Variants in AKAP19 observed in about 807,000 individuals in gnomAD.
AKAP19 encodes the protein A-kinase anchoring protein 19.
chr2:189,888,888 C>T, the AKAP19 span, among the ~76,000 whole-genome samples: 1 of 152,182 alleles, frequency 6.6e-6, no homozygotes, highest in Non-Finnish European at 1.5e-5. Context: ...CATCTGCAAA[C>T]AGGGACAATT....
chr2:190,037,077 C>G, the AKAP19 span, among the ~76,000 whole-genome samples: 2 of 152,190 alleles, frequency 1.3e-5, no homozygotes, highest in Non-Finnish European at 2.9e-5. Context: ...ATGCCATTCA[C>G]GATTCCTAGA....
the AKAP19 span, among the ~76,000 whole-genome samples, chr2:189,944,934 A>G: frequency 0.042 from 6,453 of 152,308 alleles, 466 homozygotes; most frequent in African/African-American, 0.14. Flanking sequence ...AATCAGTAAA[A>G]AAATGAATGT....
At chr2:190,113,048 GT>G in the AKAP19 span, among the ~76,000 whole-genome samples, 1 of 151,798 alleles carries the variant, frequency 6.6e-6, no homozygotes, top group South Asian at 2.1e-4. Context: ...TCTAAAACTC[GT>G]TTCTGTTTCA....
chr2:190,072,713 TCTC>T, the AKAP19 span, among the ~76,000 whole-genome samples: 1 of 152,124 alleles, frequency 6.6e-6, no homozygotes, highest in Non-Finnish European at 1.5e-5. Flanking sequence ...AAAATCAACA[TCTC>T]TTCTTCTACT....
chr2:189,949,631 C>CTTTTTTTTTTTT, the AKAP19 span, among the ~76,000 whole-genome samples: 1 of 117,768 alleles, frequency 8.5e-6, no homozygotes, highest in Non-Finnish European at 1.8e-5. Context: ...CTTTTTCTTT[C>CTTTTTTTTTTTT]TTTTTTTTTT....
chr2:189,957,875 C>A, the AKAP19 span, among the ~76,000 whole-genome samples: 1 of 152,154 alleles, frequency 6.6e-6, no homozygotes, highest in East Asian at 1.9e-4. Flanking sequence ...CTTACTGCAA[C>A]CTCCGCCTCC....
At chr2:189,934,991 A>G in the AKAP19 span, among the ~76,000 whole-genome samples, 1 of 152,080 alleles carries the variant, frequency 6.6e-6, no homozygotes, top group Non-Finnish European at 1.5e-5. Context: ...AGCATAATGC[A>G]TGTAGCGTTT....
the AKAP19 span, among the ~76,000 whole-genome samples, chr2:190,051,222 T>G: frequency 6.6e-6 from 1 of 152,216 alleles, no homozygotes; most frequent in Non-Finnish European, 1.5e-5. Flanking sequence ...AATTCCTATA[T>G]AATGTGATTT....
the AKAP19 span, among the ~76,000 whole-genome samples, chr2:190,144,381 G>A: frequency 3.7e-3 from 560 of 152,124 alleles, 3 homozygotes; most frequent in African/African-American, 0.012. Context: ...CTTTGCTGAA[G>A]TTTATTCAGA....
chr2:189,960,482 C>G, the AKAP19 span, among the ~76,000 whole-genome samples: 31 of 152,180 alleles, frequency 2.0e-4, no homozygotes, highest in Admixed American at 2.6e-4. Flanking sequence ...TGCCTCTGCC[C>G]CCTTCTATTA....
At chr2:190,047,641 T>G in the AKAP19 span, among the ~76,000 whole-genome samples, 1 of 152,196 alleles carries the variant, frequency 6.6e-6, no homozygotes, top group Non-Finnish European at 1.5e-5. Context: ...AATGAATGGG[T>G]GAAGTCTGAT....
the AKAP19 span, among the ~76,000 whole-genome samples, chr2:190,078,981 A>G: frequency 6.7e-6 from 1 of 149,316 alleles, no homozygotes; most frequent in Non-Finnish European, 1.5e-5. Flanking sequence ...AAATTTTAGA[A>G]TCCATTTTAT....
At chr2:190,009,342 G>C in the AKAP19 span, among the ~76,000 whole-genome samples, 1 of 152,130 alleles carries the variant, frequency 6.6e-6, no homozygotes, top group African/African-American at 2.4e-5. Flanking sequence ...AGGATATCGT[G>C]GTGGCTCATA....
At chr2:190,201,233 A>T in the AKAP19 span, 1 of 166,864 alleles carries the variant, frequency 6.0e-6, no homozygotes, top group Non-Finnish European at 1.5e-5. Context: ...TAGGGAAGCT[A>T]TTTTTTCTCT....
chr2:190,164,398 T>C, the AKAP19 span, among the ~76,000 whole-genome samples: 7 of 151,976 alleles, frequency 4.6e-5, no homozygotes, highest in Non-Finnish European at 1.0e-4. Flanking sequence ...TAGGCATGCG[T>C]GGTGGCACTG....
the AKAP19 span, chr2:190,090,878 T>C: frequency 6.6e-6 from 1 of 152,248 alleles, no homozygotes; most frequent in Non-Finnish European, 1.5e-5. Context: ...TTATTTTTAA[T>C]GTCCGCTCTT....
chr2:189,887,151 C>T, the AKAP19 span, among the ~76,000 whole-genome samples: 4 of 152,108 alleles, frequency 2.6e-5, no homozygotes, highest in South Asian at 4.2e-4. Context: ...GCCTCCCACC[C>T]GCTGACAGGC....
chr2:190,056,837 G>A, the AKAP19 span: 1 of 189,344 alleles, frequency 5.3e-6, no homozygotes, highest in Non-Finnish European at 1.1e-5. Flanking sequence ...AGGATGATTC[G>A]AATGATGGTA....
chr2:189,892,666 T>G, the AKAP19 span, among the ~76,000 whole-genome samples: 1 of 152,194 alleles, frequency 6.6e-6, no homozygotes, highest in Non-Finnish European at 1.5e-5. Flanking sequence ...GAGGTGTCTA[T>G]CAACCCCTGC....
Sources: gnomAD v4.1 joint callset for allele counts (sites outside exome capture counted in the v4.1 genomes callset) on GRCh38, gnomAD v4.1.1 for gene constraint, MANE v1.5 for transcripts, NCBI Gene and HGNC (gene_info 2026-07-23, HGNC 2026-07-21) for gene names.